ABCC4: variants seen among roughly 807,000 people sequenced by gnomAD.
The protein encoded by ABCC4 is ATP binding cassette subfamily C member 4 (PEL blood group), also known as ATP-binding cassette sub-family C member 4.
In ABCC4, 102 loss-of-function variants were observed where a neutral mutation model predicts 168.5. The observed-to-expected ratio is 0.61, with a 90% CI of 0.52 to 0.71. The LOEUF (loss-of-function observed/expected upper bound fraction) is 0.71. Among genes scored for constraint, ABCC4 ranks in the 30% least tolerant of loss-of-function variants. The probability of loss-of-function intolerance (pLI) is 0.00; values close to 1 mark genes in which losing one functional copy is unlikely to be tolerated. For synonymous variants in ABCC4, 617 were observed against 590.7 expected (o/e 1.04, Z -0.65); for missense variants, 1,402 against 1,605.8 (o/e 0.87, Z 2.17).
chr13:95,048,258 T>C (rs2032679987), intron 27 of ABCC4, among the ~76,000 whole-genome samples: 1 of 152,202 alleles, frequency 6.6e-6, no homozygotes, highest in African/African-American at 2.4e-5. Context: ...AATCATACTA[T>C]TTGAAACTAT....
chr13:95,028,343 C>A (rs2031647383), intron 30 of ABCC4, among the ~76,000 whole-genome samples: 1 of 151,928 alleles, frequency 6.6e-6, no homozygotes, highest in Admixed American at 6.6e-5. Context: ...TTTTCAATGC[C>A]CAAAGAACAT....
At chr13:95,104,433 T>C (rs2034925920) in intron 20 of ABCC4, among the ~76,000 whole-genome samples, 1 of 152,210 alleles carries the variant, frequency 6.6e-6, no homozygotes, top group African/African-American at 2.4e-5. Context: ...GAGATTTTCA[T>C]GGTCTTTCTT....
chr13:95,225,217 T>C (rs2039431119), intron 4 of ABCC4, among the ~76,000 whole-genome samples: 2 of 151,780 alleles, frequency 1.3e-5, no homozygotes, highest in South Asian at 4.2e-4. Context: ...TATATTTGTT[T>C]TTATCCAAAG....
intron 30 of ABCC4, among the ~76,000 whole-genome samples, chr13:95,025,533 G>A (rs2031496897): frequency 1.1e-5 from 1 of 88,408 alleles, no homozygotes; most frequent in African/African-American, 4.2e-5. Flanking sequence ...CAGCCTCTCT[G>A]GGTCATAAAG....
chr13:95,189,853 T>C (rs910529893), intron 9 of ABCC4, among the ~76,000 whole-genome samples: 1 of 152,176 alleles, frequency 6.6e-6, no homozygotes, highest in African/African-American at 2.4e-5. Context: ...AGTTCTACTA[T>C]AAACACTGAG....
intron 19 of ABCC4, among the ~76,000 whole-genome samples, chr13:95,131,280 G>A (rs893406873): frequency 6.6e-6 from 1 of 152,114 alleles, no homozygotes; most frequent in African/African-American, 2.4e-5. Flanking sequence ...GACAAGAGGG[G>A]ACGCACAACA....
intron 3 of ABCC4, among the ~76,000 whole-genome samples, chr13:95,237,921 G>A (rs996130245): frequency 1.4e-4 from 21 of 152,028 alleles, no homozygotes; most frequent in African/African-American, 4.1e-4. Context: ...ACAGCCAGGC[G>A]CGGTGGCTCC....
chr13:95,173,187 G>A (rs1438385923), intron 13 of ABCC4, among the ~76,000 whole-genome samples: 1 of 152,220 alleles, frequency 6.6e-6, no homozygotes, highest in East Asian at 1.9e-4. Context: ...GGAGTGGCCA[G>A]GAAAGTCCTC....
intron 1 of ABCC4, among the ~76,000 whole-genome samples, chr13:95,254,054 C>T (rs77364198): frequency 0.055 from 8,290 of 152,064 alleles, 274 homozygotes; most frequent in Middle Eastern, 0.092. Context: ...CTACCATGCC[C>T]GGCTATTTTT....
intron 4 of ABCC4, among the ~76,000 whole-genome samples, chr13:95,214,751 TG>T (rs1336431719): frequency 2.0e-5 from 3 of 151,914 alleles, no homozygotes; most frequent in Non-Finnish European, 4.4e-5. Context: ...CCGGGCACAG[TG>T]GTGGGCACCT....
chr13:95,024,893 A>G (rs951376132), intron 30 of ABCC4, among the ~76,000 whole-genome samples: 20 of 152,056 alleles, frequency 1.3e-4, no homozygotes, highest in African/African-American at 4.1e-4. Context: ...GAGAGCCTGA[A>G]TGGTAAAATA....
chr13:95,294,072 C>A (rs927276508), intron 1 of ABCC4, among the ~76,000 whole-genome samples: 3 of 152,050 alleles, frequency 2.0e-5, no homozygotes, highest in African/African-American at 7.2e-5. Flanking sequence ...ATTAAACAAG[C>A]CCTGATTCTC....
chr13:95,072,520 C>T (rs2033766663), intron 24 of ABCC4, among the ~76,000 whole-genome samples: 1 of 152,176 alleles, frequency 6.6e-6, no homozygotes, highest in Admixed American at 6.5e-5. Context: ...TGATATAGGT[C>T]AGTTAAACTG....
chr13:95,217,560 C>T (rs1364944507), intron 4 of ABCC4, among the ~76,000 whole-genome samples: 3 of 151,888 alleles, frequency 2.0e-5, no homozygotes, highest in African/African-American at 4.8e-5. Flanking sequence ...GGTGAAACCC[C>T]GTCTCTACTA....
chr13:95,252,095 C>T (rs899158725), intron 1 of ABCC4, among the ~76,000 whole-genome samples: 5 of 151,990 alleles, frequency 3.3e-5, no homozygotes, highest in Non-Finnish European at 5.9e-5. Context: ...TCAAGTCACC[C>T]TTATTTTACT....
chr13:95,135,181 A>T (rs17189355), intron 19 of ABCC4, among the ~76,000 whole-genome samples: 7,094 of 152,276 alleles, frequency 0.047, 222 homozygotes, highest in Middle Eastern at 0.13. Flanking sequence ...CCATTTAGCT[A>T]TCTGCAAGAG....
At chr13:95,221,434 G>T (rs2039307354) in intron 4 of ABCC4, among the ~76,000 whole-genome samples, 1 of 151,970 alleles carries the variant, frequency 6.6e-6, no homozygotes, top group Non-Finnish European at 1.5e-5. Flanking sequence ...TCACTATGTT[G>T]CCCAGGCTGG....
intron 19 of ABCC4, among the ~76,000 whole-genome samples, chr13:95,141,546 C>T (rs1334781544): frequency 6.6e-6 from 1 of 151,278 alleles, no homozygotes; most frequent in Admixed American, 6.6e-5. Flanking sequence ...GCAGCTTACA[C>T]AAGGTGGGGG....
chr13:95,052,478 A>C (rs1005755323), intron 27 of ABCC4, among the ~76,000 whole-genome samples: 1 of 152,174 alleles, frequency 6.6e-6, no homozygotes, highest in Non-Finnish European at 1.5e-5. Context: ...GGGTGAGAAA[A>C]TTTCAAGAAG....
Sources: allele counts gnomAD v4.1 joint callset (sites outside exome capture counted in the v4.1 genomes callset), GRCh38; gene constraint gnomAD v4.1.1; transcripts MANE v1.5; gene names NCBI Gene and HGNC (gene_info 2026-07-23, HGNC 2026-07-21).